The following ARHGEF10L variants were observed in gnomAD, a reference collection of about 807,000 sequenced individuals.
The protein encoded by ARHGEF10L is rho guanine nucleotide exchange factor 10-like protein.
Under a neutral mutation model 141.2 loss-of-function variants are expected in ARHGEF10L, and 69 were observed. That is an observed-to-expected ratio of 0.49 (90% CI 0.40 to 0.60). The LOEUF is 0.60. ARHGEF10L is among the 20% of genes least tolerant of loss of function. ARHGEF10L has a pLI of 0.00. For missense variants in ARHGEF10L, 1,482 were observed against 1,734.3 expected, an observed-to-expected ratio of 0.85 and a Z score of 2.58; for synonymous variants, 711 against 718.5, an observed-to-expected ratio of 0.99 and a Z score of 0.17.
Position 17,625,036 on chromosome 1 carries a change from G to C in ARHGEF10L, c.1317+533G>C, listed in dbSNP as rs1251465829. ...CCTGCCTGTAGGGAGCCTGCTGGCT[G>C]GCAGAGGATGCAACTGGGCTAGGTG... On this transcript the variant is annotated intron_variant, in intron 13 of 28. Transcript: ENST00000361221. The surrounding 1 kb of genome is among the most constrained non-coding windows in gnomAD (Gnocchi z 4.5). Among the ~76,000 whole-genome samples, 1 of 152,220 alleles carries C rather than the reference G, an allele frequency of 6.6e-6. No homozygotes were observed. The highest frequency in any genetic ancestry group is 6.5e-5 in the Admixed American group (1 of 15,288).
At chr1:17,675,560 G>T (rs2063601611) in intron 26 of ARHGEF10L, among the ~76,000 whole-genome samples, 1 of 149,938 alleles carries the variant, frequency 6.7e-6, no homozygotes, top group African/African-American at 2.5e-5. Flanking sequence ...TGTGCGTGCA[G>T]ATGTGTGTGC....
At chr1:17,553,449 A>T (rs1383366635) in intron 1 of ARHGEF10L, among the ~76,000 whole-genome samples, 3 of 152,004 alleles carry the variant, frequency 2.0e-5, no homozygotes, top group Non-Finnish European at 4.4e-5. Context: ...ACTCGAGGAG[A>T]CTGAGATGAG....
chr1:17,595,814 A>G (rs561181172), intron 4 of ARHGEF10L, among the ~76,000 whole-genome samples: 1 of 152,004 alleles, frequency 6.6e-6, no homozygotes, highest in South Asian at 2.1e-4. Context: ...TTCTTTATTT[A>G]CTCCGTACCA....
At chr1:17,663,569 A>C (rs542023525) in intron 25 of ARHGEF10L, among the ~76,000 whole-genome samples, 1 of 151,538 alleles carries the variant, frequency 6.6e-6, no homozygotes, top group South Asian at 2.1e-4. Context: ...AAAAAAAAAA[A>C]ACAAAAAAAA....
chr1:17,604,244 C>T (rs2080969798), intron 6 of ARHGEF10L, among the ~76,000 whole-genome samples: 1 of 152,026 alleles, frequency 6.6e-6, no homozygotes, highest in South Asian at 2.1e-4. Context: ...GAATGTGGGT[C>T]ATTCTGACCC....
intron 2 of ARHGEF10L, among the ~76,000 whole-genome samples, chr1:17,582,799 C>T (rs543336559): frequency 5.3e-5 from 8 of 152,192 alleles, no homozygotes; most frequent in South Asian, 4.2e-4. Flanking sequence ...CAGTGAGCTC[C>T]GGAGGGGAGC....
intron 26 of ARHGEF10L, among the ~76,000 whole-genome samples, chr1:17,678,099 C>G (rs976981683): frequency 6.6e-6 from 1 of 152,066 alleles, no homozygotes; most frequent in African/African-American, 2.4e-5. Context: ...TTCACCGGGT[C>G]CCCAGGGTGG....
intron 14 of ARHGEF10L, among the ~76,000 whole-genome samples, chr1:17,626,700 C>T (rs1232438304): frequency 6.6e-6 from 1 of 152,196 alleles, no homozygotes; most frequent in East Asian, 1.9e-4. Context: ...CAACCATCAC[C>T]ACCACCCATC....
chr1:17,534,531 G>T, the ARHGEF10L span, among the ~76,000 whole-genome samples: 2 of 151,554 alleles, frequency 1.3e-5, no homozygotes, highest in East Asian at 3.9e-4. Flanking sequence ...AAAGTGCTGG[G>T]ATTACAGGCA....
At chr1:17,660,224 T>C (rs949332011) in intron 25 of ARHGEF10L, among the ~76,000 whole-genome samples, 1 of 152,192 alleles carries the variant, frequency 6.6e-6, no homozygotes, top group African/African-American at 2.4e-5. Context: ...GATGCGGGAC[T>C]ATCCCTGGTT....
At chr1:17,622,201 C>T (rs1044716147) in intron 11 of ARHGEF10L, among the ~76,000 whole-genome samples, 4 of 152,130 alleles carry the variant, frequency 2.6e-5, no homozygotes, top group African/African-American at 9.7e-5. Context: ...GGCATATACT[C>T]CCATTTATGA....
At position 17,696,987 on chromosome 1, in the gene ARHGEF10L, C is replaced by T. The variant is rs748841382; in HGVS notation, c.3447C>T (p.Asp1149=). 4.0e-5 allele frequency: 64 copies of T among 1,611,424 alleles called. No homozygotes were observed. The highest frequency in any genetic ancestry group is 1.6e-4 in the Middle Eastern group (1 of 6,062). The change falls in exon 29 of 29, where the codon GAC becomes GAT. Residue 1149 remains aspartate (D), a synonymous_variant. Coordinates refer to ENST00000361221, the MANE Select transcript of ARHGEF10L (RefSeq NM_018125.4). ...CCCGGGCTGAGGAGGACAAGCCAGA[C>T]GGGCAGGCACACGAGCCCATGCCCG... The part of the protein sequence containing the change: ...EGPRAEEDKP[D]GQAHEPMPDS...
chr1:17,635,094 C>A, intron 18 of ARHGEF10L, 78 bp downstream of exon 18: 2 of 1,566,292 alleles, frequency 1.3e-6, no homozygotes, highest in South Asian at 2.3e-5. Context: ...CCTACCCAGG[C>A]TTGGCCCTGT....
chr1:17,627,243 A>G lies in ARHGEF10L; in HGVS notation c.1411-87A>G. 10 of 1,511,394 alleles carry G rather than the reference A, an allele frequency of 6.6e-6. No homozygotes were observed. Among genetic ancestry groups the G allele is most frequent in the Non-Finnish European group, 9.0e-6 (10 of 1,106,526 alleles). 93.6% of individuals were successfully genotyped at this position (1,511,394 alleles called of 1,614,324 possible). A position where few individuals can be genotyped will look rare whatever the true frequency, so the allele number is the denominator to read the frequency against. Reference sequence around the variant, plus strand: ...GGCCCTTTGCAGACCCAGTGTGTGTAGGGGGTTGCGCAGGGTGAGGCTTTG... The same window carrying G: ...GGCCCTTTGCAGACCCAGTGTGTGTGGGGGGTTGCGCAGGGTGAGGCTTTG... On this transcript the variant is annotated intron_variant, in intron 14 of 28. Coordinates refer to ENST00000361221, the MANE Select transcript of ARHGEF10L (RefSeq NM_018125.4). The surrounding 1 kb of genome is among the most constrained non-coding windows in gnomAD (Gnocchi z 4.0).
intron 1 of ARHGEF10L, among the ~76,000 whole-genome samples, chr1:17,550,376 C>T (rs2077066305): frequency 6.6e-6 from 1 of 152,168 alleles, no homozygotes. Flanking sequence ...GGCACAGTGG[C>T]TCACGCCTGT....
chr1:17,640,315 CCAGGGAGAGTGCCT>C lies in ARHGEF10L; in HGVS notation c.2272+19_2272+32del. 6.2e-7 allele frequency: 1 copy of C among 1,602,704 alleles called. No individual in the cohort carries two copies. Reference sequence around the variant, plus strand: ...AAAATCGGACTCCGTGAGTATAGCCCCAGGGAGAGTGCCTCAGGGGGCAGGGGTGTGGAACGGGG... The same window carrying C: ...AAAATCGGACTCCGTGAGTATAGCCCCAGGGGGCAGGGGTGTGGAACGGGG... On this transcript the variant is annotated intron_variant, in intron 21 of 28. Coordinates refer to ENST00000361221, the MANE Select transcript of ARHGEF10L (RefSeq NM_018125.4).
chr1:17,560,398 A>C (rs1196502171), intron 1 of ARHGEF10L, among the ~76,000 whole-genome samples: 1 of 152,136 alleles, frequency 6.6e-6, no homozygotes, highest in Admixed American at 6.5e-5. Flanking sequence ...TATCAGAGGC[A>C]CCTGAGGTTT....
In ARHGEF10L at chr1:17,573,918, C is replaced by A. The variant is rs2078113615; in HGVS notation, c.-43-6635C>A. On this transcript the variant is annotated intron_variant, in intron 1 of 28. Coordinates refer to ENST00000361221, the MANE Select transcript of ARHGEF10L (RefSeq NM_018125.4). This position sits in a 1 kb window ranked among gnomAD's most constrained non-coding sequence, Gnocchi z 4.8. ...AGCCATTGACCAAACTTGGCCCCTG[C>A]CCCAGTGAGGCAGGCCCCCTTCTCA... Among the ~76,000 whole-genome samples, 1 of 152,136 alleles carries A rather than the reference C, an allele frequency of 6.6e-6. No individual in the cohort carries two copies. The highest frequency in any genetic ancestry group is 2.4e-5 in the African/African-American group (1 of 41,436).
At chr1:17,542,650 T>C (rs2076771498) in intron 1 of ARHGEF10L, among the ~76,000 whole-genome samples, 1 of 152,198 alleles carries the variant, frequency 6.6e-6, no homozygotes, top group Non-Finnish European at 1.5e-5. Context: ...ATGATATATA[T>C]GCCATGATAA....
Sources: gnomAD v4.1 joint callset for allele counts (sites outside exome capture counted in the v4.1 genomes callset) on GRCh38, gnomAD v4.1.1 for gene constraint, Gnocchi (gnomAD v3.1) non-coding constraint, MANE v1.5 for transcripts, NCBI Gene and HGNC (gene_info 2026-07-23, HGNC 2026-07-21) for gene names.